The following PTPRE variants were observed in gnomAD, a reference collection of about 807,000 sequenced individuals.
PTPRE encodes the protein receptor-type tyrosine-protein phosphatase epsilon.
Under a neutral mutation model 102.0 loss-of-function variants are expected in PTPRE, and 51 were observed. That is an observed-to-expected ratio of 0.50 (90% CI 0.40 to 0.63). PTPRE has a LOEUF of 0.63. PTPRE is among the 30% of genes least tolerant of loss of function. The pLI is 0.00. For missense variants in PTPRE, 752 were observed against 915.1 expected (o/e 0.82, Z 2.30); for synonymous variants, 345 against 348.2 (o/e 0.99, Z 0.10).
chr10:128,064,244 C>G (rs1849864516), intron 10 of PTPRE, among the ~76,000 whole-genome samples: 1 of 152,246 alleles, frequency 6.6e-6, no homozygotes, highest in South Asian at 2.1e-4. Flanking sequence ...TTACTAATTG[C>G]CACCCAAAAC....
chr10:128,063,290 C>G (rs1849774629), intron 10 of PTPRE, 110 bp downstream of exon 10: 1 of 1,500,240 alleles, frequency 6.7e-7, no homozygotes, highest in Non-Finnish European at 8.9e-7. Context: ...CTCCCACTAT[C>G]ACTGCAGAAA....
chr10:128,050,377 AGT>A (rs1848472926), intron 6 of PTPRE, among the ~76,000 whole-genome samples: 1 of 123,858 alleles, frequency 8.1e-6, no homozygotes, highest in African/African-American at 3.3e-5. Flanking sequence ...GGATGGATGG[AGT>A]GGGAGGGCAT....
At chr10:127,994,480 C>T (rs1364382694) in intron 2 of PTPRE, among the ~76,000 whole-genome samples, 1 of 152,228 alleles carries the variant, frequency 6.6e-6, no homozygotes. Context: ...GGATAGGGAT[C>T]CCATCCCTCT....
rs1849635082 is a variant in PTPRE at position 128,061,992 on chromosome 10, T to C, written c.625+277T>C. On this transcript the variant is annotated intron_variant, in intron 9 of 20. Transcript: ENST00000254667. ...TGCGTCAGATAACCTTGAATTTCTC[T>C]CAGCTGGCTGAGCCCTACATGGCTC... Among the ~76,000 whole-genome samples the C allele has an allele frequency of 2.1e-5, 3 of 142,860 alleles. No individual in the cohort carries two copies. The South Asian group carries it at 6.9e-4, about 33-fold the overall frequency. The allele number at this position is 142,860 out of a possible 152,430, so 93.7% of individuals were successfully genotyped here.
chr10:128,082,029 T>C (rs1851751271), intron 20 of PTPRE, among the ~76,000 whole-genome samples: 1 of 152,154 alleles, frequency 6.6e-6, no homozygotes, highest in African/African-American at 2.4e-5. Context: ...CAAACTCACA[T>C]ATCCCACCCA....
intron 1 of PTPRE, among the ~76,000 whole-genome samples, chr10:127,918,629 G>T (rs1341319210): frequency 6.6e-6 from 1 of 152,080 alleles, no homozygotes; most frequent in Non-Finnish European, 1.5e-5. Flanking sequence ...TGGGGAAAAG[G>T]CTGAAAGAAT....
At position 128,083,196 on chromosome 10, in the gene PTPRE, AC is replaced by A. The variant is rs1290965675; in HGVS notation, c.*292del. 45 of 208,354 alleles carry A rather than the reference AC, an allele frequency of 2.2e-4. No individual in the cohort carries two copies. Among genetic ancestry groups the A allele is most frequent in the African/African-American group, 1.0e-3 (44 of 42,940 alleles). 12.9% of individuals were successfully genotyped at this position (208,354 alleles called of 1,614,324 possible). A position where few individuals can be genotyped will look rare whatever the true frequency, so the allele number is the denominator to read the frequency against. On this transcript the variant is annotated 3_prime_UTR_variant, in exon 21 of 21. Coordinates refer to ENST00000254667, the MANE Select transcript of PTPRE (RefSeq NM_006504.6). Reference sequence around the variant, plus strand: ...TATCATTTAATTTCACATATTCAACACCTTTAAATGTTGTAATCTTAATATG... The same window carrying A: ...TATCATTTAATTTCACATATTCAACACTTTAAATGTTGTAATCTTAATATG...
At chr10:127,969,795 G>A (rs1039414223) in intron 1 of PTPRE, among the ~76,000 whole-genome samples, 1 of 152,162 alleles carries the variant, frequency 6.6e-6, no homozygotes, top group African/African-American at 2.4e-5. Context: ...TACATCTGGA[G>A]AATCATGGTG....
At chr10:128,031,565 C>G (rs539811445) in intron 2 of PTPRE, among the ~76,000 whole-genome samples, 11 of 152,200 alleles carry the variant, frequency 7.2e-5, no homozygotes, top group Non-Finnish European at 1.2e-4. Flanking sequence ...ATGTTTCCCA[C>G]GACCCTGCCA....
rs150241133 is a variant in PTPRE, at chr10:127,921,594, G to A, written c.-31+14285G>A. On this transcript the variant is annotated intron_variant, in intron 1 of 20. Coordinates refer to ENST00000254667, the MANE Select transcript of PTPRE (RefSeq NM_006504.6). Reference sequence around the variant, plus strand: ...GGATGTGGACGTCTATAGGGACTGGGCTGGGGGCACAGAGCTGGGGGCCAG... The same window carrying A: ...GGATGTGGACGTCTATAGGGACTGGACTGGGGGCACAGAGCTGGGGGCCAG... Among the ~76,000 whole-genome samples the A allele has an allele frequency of 7.6e-4, 115 of 152,258 alleles. 1 individual carries two copies. The highest frequency in any genetic ancestry group is 2.6e-3 in the African/African-American group (106 of 41,548).
intron 7 of PTPRE, 93 bp from the exon 8 acceptor site, chr10:128,060,846 T>C: frequency 8.0e-7 from 1 of 1,256,386 alleles, no homozygotes; most frequent in Non-Finnish European, 1.2e-6. Flanking sequence ...GAGCTGACAC[T>C]GCAGATGAAG....
chr10:128,061,778 C>T (rs1849611816), intron 9 of PTPRE, 63 bp downstream of exon 9: 1 of 1,537,800 alleles, frequency 6.5e-7, no homozygotes, highest in Non-Finnish European at 8.8e-7. Context: ...ATTTCCTTCT[C>T]TGTATGCCAA....
intron 1 of PTPRE, among the ~76,000 whole-genome samples, chr10:127,977,671 T>TCCCAGCA (rs1851282273): frequency 6.6e-6 from 1 of 152,248 alleles, no homozygotes; most frequent in South Asian, 2.1e-4. Context: ...TTTATTTTCT[T>TCCCAGCA]CTTTGCAAGG....
intron 1 of PTPRE, among the ~76,000 whole-genome samples, chr10:127,938,639 T>C (rs1564811490): frequency 1.3e-5 from 2 of 152,226 alleles, no homozygotes; most frequent in African/African-American, 2.4e-5. Context: ...AGAATTGATA[T>C]TACTTTTTAT....
intron 11 of PTPRE, 87 bp downstream of exon 11, chr10:128,066,281 G>A (rs1813559489): frequency 4.5e-6 from 7 of 1,562,494 alleles, no homozygotes; most frequent in Non-Finnish European, 6.1e-6. Flanking sequence ...CATTTATGAA[G>A]TGCTTTGCTC....
Position 127,937,653 on chromosome 10 carries a change from G to A in PTPRE, c.-31+30344G>A, listed in dbSNP as rs374632934. On this transcript the variant is annotated intron_variant, in intron 1 of 20. Coordinates refer to ENST00000254667, the MANE Select transcript of PTPRE (RefSeq NM_006504.6). ...GCAGGCAGATCACTTGAGGTCAGGA[G>A]TTTGAGACCAGCCTGGCCAACATGG... Among the ~76,000 whole-genome samples the A allele has an allele frequency of 4.2e-3, 640 of 151,264 alleles. 3 individuals are homozygous for A. The highest frequency in any genetic ancestry group is 0.015 in the African/African-American group (608 of 41,488).
chr10:127,931,457 C>G (rs1847435078), intron 1 of PTPRE, among the ~76,000 whole-genome samples: 1 of 152,222 alleles, frequency 6.6e-6, no homozygotes. Flanking sequence ...CTACTTTGCT[C>G]AAAGTCCGCC....
intron 2 of PTPRE, among the ~76,000 whole-genome samples, chr10:128,011,776 C>G (rs557089660): frequency 6.6e-6 from 1 of 152,328 alleles, no homozygotes; most frequent in South Asian, 2.1e-4. Context: ...GGCTGGTGCC[C>G]AGCCAAGCTC....
In PTPRE at chr10:127,984,978, G is replaced by A. The variant is rs950843770; in HGVS notation, c.-8+2682G>A. ...ATTTTCACTGCTAAGCATTTGAGAC[G>A]TGTACAGAGCTTCAGGATATCTATT... On this transcript the variant is annotated intron_variant, in intron 2 of 20. Coordinates refer to ENST00000254667, the MANE Select transcript of PTPRE (RefSeq NM_006504.6). Among the ~76,000 whole-genome samples the A allele has an allele frequency of 2.6e-5, 4 of 152,212 alleles. No individual in the cohort carries two copies. In the East Asian group the frequency reaches 5.8e-4, roughly 22 times the overall value.
Sources: allele counts gnomAD v4.1 joint callset (sites outside exome capture counted in the v4.1 genomes callset), GRCh38; gene constraint gnomAD v4.1.1; transcripts MANE v1.5; gene names NCBI Gene and HGNC (gene_info 2026-07-23, HGNC 2026-07-21).